The following SPTBN1 variants were observed in gnomAD, a reference collection of about 807,000 sequenced individuals.
SPTBN1 encodes the protein spectrin beta chain, non-erythrocytic 1.
Under a neutral mutation model 266.4 loss-of-function variants are expected in SPTBN1, and 32 were observed. The ratio of observed to expected loss-of-function variants is 0.12; its 90% CI spans 0.09 to 0.16. The LOEUF (loss-of-function observed/expected upper bound fraction) is 0.16. Ranked by LOEUF, SPTBN1 falls within the 10% of genes least tolerant of loss-of-function variation. The pLI, the probability that SPTBN1 is intolerant of heterozygous loss-of-function variation, is 1.00. For missense variants in SPTBN1, 2,296 were observed against 3,067.1 expected, an observed-to-expected ratio of 0.75 and a Z score of 5.94; for synonymous variants, 1,336 against 1,162.2, an observed-to-expected ratio of 1.15 and a Z score of -3.04.
In SPTBN1 at chr2:54,458,174, C is replaced by T. The variant is rs118049443; in HGVS notation, c.-48+1656C>T. Among the ~76,000 whole-genome samples, 892 of 152,284 alleles carry T rather than the reference C, an allele frequency of 5.9e-3. 29 individuals are homozygous for T. The East Asian group carries it at 0.068, about 12-fold the overall frequency. ...GTACCTCGTCTGTCTTTGGTTAATA[C>T]CAAGTATGCATTTTTTCTGTAGGAA... is the stretch of plus-strand genomic sequence containing the variant. On this transcript the variant is annotated intron_variant, in intron 1 of 35. Transcript: ENST00000356805.
chr2:54,662,169 G>A, intron 32 of SPTBN1: 1 of 985,326 alleles, frequency 1.0e-6, no homozygotes. Context: ...CGTGGGGGGT[G>A]GGGTTGCGAG....
chr2:54,645,474 C>G lies in SPTBN1; in HGVS notation c.4494+21C>G. On this transcript the variant is annotated intron_variant, in intron 21 of 35. Coordinates refer to ENST00000356805, the MANE Select transcript of SPTBN1 (RefSeq NM_003128.3). The surrounding 1 kb of genome is among the most constrained non-coding windows in gnomAD (Gnocchi z 4.3). Reference sequence around the variant, plus strand: ...AGATCGTGAGTCGACCCCTACTGCACACATGGCTTTTCCACGAGCCCCCTT... The same window carrying G: ...AGATCGTGAGTCGACCCCTACTGCAGACATGGCTTTTCCACGAGCCCCCTT... 6.2e-7 allele frequency: 1 copy of G among 1,610,236 alleles called. No homozygotes were observed. Among genetic ancestry groups the G allele is most frequent in the Non-Finnish European group, 8.5e-7 (1 of 1,177,112 alleles).
At chr2:54,600,371 G>A (rs1288304488) in intron 3 of SPTBN1, among the ~76,000 whole-genome samples, 1 of 152,188 alleles carries the variant, frequency 6.6e-6, no homozygotes, top group Non-Finnish European at 1.5e-5. Context: ...CATGCCCTTT[G>A]TTCCTGAGCA....
chr2:54,549,387 T>C (rs1251592311), intron 2 of SPTBN1, among the ~76,000 whole-genome samples: 1 of 152,162 alleles, frequency 6.6e-6, no homozygotes, highest in Non-Finnish European at 1.5e-5. Context: ...TATGACAGGA[T>C]TTCCTTGCTT....
intron 17 of SPTBN1, among the ~76,000 whole-genome samples, chr2:54,634,563 T>C (rs905354322): frequency 9.9e-5 from 15 of 152,168 alleles, no homozygotes; most frequent in Non-Finnish European, 1.3e-4. Context: ...CACTTTAATA[T>C]CCCCAGAGGC....
In SPTBN1 at chr2:54,576,368, C is replaced by T. The variant is rs1674478628; in HGVS notation, c.149-22724C>T. On this transcript the variant is annotated intron_variant, in intron 2 of 35. Coordinates refer to ENST00000356805, the MANE Select transcript of SPTBN1 (RefSeq NM_003128.3). ...CGCGCCCGGCCTTCAGCTCTTCTTTCTGCTATTGCTTTGGCCTAATTAATA... is the reference window on the plus strand; with the variant it reads ...CGCGCCCGGCCTTCAGCTCTTCTTTTTGCTATTGCTTTGGCCTAATTAATA... Among the ~76,000 whole-genome samples, 5 of 152,244 alleles carry T rather than the reference C, an allele frequency of 3.3e-5. 1 individual carries two copies. In the South Asian group the frequency reaches 1.0e-3, roughly 32 times the overall value.
rs550209268 is a variant in SPTBN1 at position 54,665,864 on chromosome 2, G to A, written c.6660-51G>A. The stretch of plus-strand genomic sequence containing the variant: ...AATGAAATGTTTAGTTCTTTAAGGG[G>A]AATGTGGTAGAGCCTTTATCTCCCC... On this transcript the variant is annotated intron_variant, in intron 33 of 35. Coordinates refer to ENST00000356805, the MANE Select transcript of SPTBN1 (RefSeq NM_003128.3). 350 of 1,556,740 alleles carry A rather than the reference G, an allele frequency of 2.2e-4. 1 individual carries two copies. The South Asian group carries it at 3.9e-3, about 17-fold the overall frequency.
At position 54,669,393 on chromosome 2, in the gene SPTBN1, C is replaced by G. The variant is rs1476753131; in HGVS notation, c.*824C>G. On this transcript the variant is annotated 3_prime_UTR_variant, in exon 36 of 36. Transcript: ENST00000356805. ...ATTTACTGGACAAAGTAATGTTACT[C>G]TAATGGTTACTTGCTCGTGCGTTGC... 1.3e-5 allele frequency: 2 copies of G among 152,628 alleles called. No homozygotes were observed. The highest frequency in any genetic ancestry group is 2.9e-5 in the Non-Finnish European group (2 of 68,038). 9.5% of individuals were successfully genotyped at this position (152,628 alleles called of 1,614,324 possible).
intron 1 of SPTBN1, among the ~76,000 whole-genome samples, chr2:54,524,131 G>A (rs756617546): frequency 1.6e-4 from 24 of 152,114 alleles, no homozygotes; most frequent in African/African-American, 5.6e-4. Flanking sequence ...CCCAGGAGGC[G>A]GAGGCTGCAG....
At chr2:54,641,782 C>G (rs1679583836) in intron 18 of SPTBN1, among the ~76,000 whole-genome samples, 1 of 151,804 alleles carries the variant, frequency 6.6e-6, no homozygotes. Flanking sequence ...ACGTCGCTCT[C>G]CTTGACATCA....
chr2:54,503,486 C>T (rs992576991), intron 1 of SPTBN1, among the ~76,000 whole-genome samples: 1 of 152,026 alleles, frequency 6.6e-6, no homozygotes, highest in Non-Finnish European at 1.5e-5. Flanking sequence ...TCACCCAGCA[C>T]CTACACTCTT....
intron 2 of SPTBN1, among the ~76,000 whole-genome samples, chr2:54,594,851 T>TTTTTTTTTTTTTTTTG (rs10673399): frequency 6.9e-6 from 1 of 144,870 alleles, no homozygotes; most frequent in African/African-American, 2.8e-5. Flanking sequence ...TTTTTTTTTT[T>TTTTTTTTTTTTTTTTG]GAGACAGAGT....
chr2:54,657,999 G>A lies in SPTBN1; in HGVS notation c.6196G>A (p.Ala2066Thr), dbSNP rs1487383977. 6.2e-7 allele frequency: 1 copy of A among 1,614,276 alleles called. No individual in the cohort carries two copies. The highest frequency in any genetic ancestry group is 1.7e-5 in the Admixed American group (1 of 60,038). Residue 2066 changes from alanine (A) to threonine (T), a missense_variant, in exon 30 of 36, where the codon GCA becomes ACA. Around this residue, in one of 12 missense-constraint regions of SPTBN1, gnomAD observed 644 missense variants for 745.3 expected, o/e 0.86. Transcript: ENST00000356805. ...GCGCCACGAGGCATTTGAAAAGTCT[G>A]CAGCAACCTGGGATGAGAGGTTCTC... ...IKRHEAFEKS[A>T]ATWDERFSAL... is the part of the protein sequence containing the mutation.
chr2:54,497,535 A>G (rs145791836), intron 1 of SPTBN1, among the ~76,000 whole-genome samples: 1 of 152,164 alleles, frequency 6.6e-6, no homozygotes, highest in African/African-American at 2.4e-5. Flanking sequence ...TTGAATTCAC[A>G]TGTTACTGAA....
rs766964964 is a variant in SPTBN1 at position 54,645,420 on chromosome 2, C to T, written c.4461C>T (p.Ile1487=). The change falls in exon 21 of 36, where the codon ATC becomes ATT. Residue 1487 remains isoleucine, a synonymous_variant. Coordinates refer to ENST00000356805, the MANE Select transcript of SPTBN1 (RefSeq NM_003128.3). The surrounding 1 kb of genome is among the most constrained non-coding windows in gnomAD (Gnocchi z 4.3). ...ATAACCTGCTGGCCTCCAAAGAGAT[C>T]CATCAGTTCAACAGGGATGTGGAGG... ...RKHNLLASKE[I]HQFNRDVEDE... 1.2e-5 allele frequency: 19 copies of T among 1,614,154 alleles called. No homozygotes were observed. The South Asian group carries it at 2.1e-4, about 18-fold the overall frequency.
At chr2:54,504,109 A>C (rs1044056327) in intron 1 of SPTBN1, among the ~76,000 whole-genome samples, 10 of 152,244 alleles carry the variant, frequency 6.6e-5, no homozygotes, top group African/African-American at 2.4e-4. Context: ...ATCTCCGTTA[A>C]AGCAAATGTC....
At chr2:54,504,761 T>G (rs1251982282) in intron 1 of SPTBN1, among the ~76,000 whole-genome samples, 1 of 151,006 alleles carries the variant, frequency 6.6e-6, no homozygotes, top group Non-Finnish European at 1.5e-5. Context: ...ATTAAAAGGT[T>G]TTTTTTTTAA....
chr2:54,665,947 A>G lies in SPTBN1; in HGVS notation c.6692A>G (p.Asn2231Ser). 1 of 1,614,006 alleles carries G rather than the reference A, an allele frequency of 6.2e-7. No individual in the cohort carries two copies. Among genetic ancestry groups the G allele is most frequent in the Non-Finnish European group, 8.5e-7 (1 of 1,179,982 alleles). Residue 2231 changes from asparagine to serine, a missense_variant, in exon 34 of 36, where the codon AAC (asparagine) becomes AGC (serine). By Grantham distance (46) the Asn-to-Ser change is conservative. Transcript: ENST00000356805. ...SWHNVYCVIN[N>S]QEMGFYKDAK... Reference sequence around the variant, plus strand: ...CACAATGTTTATTGTGTCATAAATAACCAAGAAATGGGTTTCTACAAAGAT... The same window carrying G: ...CACAATGTTTATTGTGTCATAAATAGCCAAGAAATGGGTTTCTACAAAGAT...
intron 2 of SPTBN1, among the ~76,000 whole-genome samples, chr2:54,543,825 A>T (rs1672078608): frequency 6.6e-6 from 1 of 152,116 alleles, no homozygotes; most frequent in Non-Finnish European, 1.5e-5. Flanking sequence ...GAAGAGACAG[A>T]TGGGAGTGGG....
Sources: allele counts gnomAD v4.1 joint callset (sites outside exome capture counted in the v4.1 genomes callset), GRCh38; gene constraint gnomAD v4.1.1; regional missense constraint gnomAD v4.1.1; non-coding constraint Gnocchi (gnomAD v3.1); transcripts MANE v1.5; gene names NCBI Gene and HGNC (gene_info 2026-07-23, HGNC 2026-07-21).